Variants in CHN1 observed in about 807,000 individuals in gnomAD.
The protein encoded by CHN1 is N-chimaerin.
CHN1 carries 37 observed loss-of-function variants against 59.5 expected under a neutral mutation model. The observed-to-expected ratio is 0.62, with a 90% confidence interval of 0.48 to 0.82. CHN1 has a LOEUF of 0.82. CHN1 is among the 40% of genes least tolerant of loss of function. The pLI is 0.00. For missense variants in CHN1, 469 were observed against 571.0 expected, an observed-to-expected ratio of 0.82 and a Z score of 1.82; for synonymous variants, 206 against 200.4, an observed-to-expected ratio of 1.03 and a Z score of -0.24.
chr2:174,852,655 G>A (rs1224875176), intron 6 of CHN1, among the ~76,000 whole-genome samples: 1 of 152,112 alleles, frequency 6.6e-6, no homozygotes, highest in Non-Finnish European at 1.5e-5. Flanking sequence ...AAAGCTGGAG[G>A]TATCACACTA....
chr2:175,004,228 T>C (rs549585392), intron 1 of CHN1, among the ~76,000 whole-genome samples: 23 of 152,362 alleles, frequency 1.5e-4, no homozygotes, highest in African/African-American at 5.5e-4. Flanking sequence ...CTTGAAGTCT[T>C]AACCACCAAA....
intron 2 of CHN1, 140 bp downstream of exon 2, chr2:174,952,024 T>C (rs1690038126): frequency 1.9e-6 from 1 of 527,160 alleles, no homozygotes; most frequent in East Asian, 3.6e-5. Flanking sequence ...CCACAATTAT[T>C]TCTATGCTAC....
chr2:174,819,334 G>A (rs1444058003), intron 8 of CHN1, among the ~76,000 whole-genome samples: 1 of 152,206 alleles, frequency 6.6e-6, no homozygotes, highest in African/African-American at 2.4e-5. Flanking sequence ...ATTATTAGGA[G>A]AACTGCTGCC....
Position 174,920,873 on chromosome 2 carries a change from T to C in CHN1, c.115-2308A>G. 3 of 394,972 alleles carry C rather than the reference T, an allele frequency of 7.6e-6. 1 individual carries two copies. Among genetic ancestry groups the C allele is most frequent in the South Asian group, 6.0e-5 (3 of 49,852 alleles). 24.5% of individuals were successfully genotyped at this position (394,972 alleles called of 1,614,324 possible). Reference sequence around the variant, plus strand: ...TATACTCACCATAATGTAGAATCAGTAGGAGCCCTGAGCTTGTTTTCCTGC... The same window carrying C: ...TATACTCACCATAATGTAGAATCAGCAGGAGCCCTGAGCTTGTTTTCCTGC... On this transcript the variant is annotated intron_variant, in intron 3 of 12. Transcript: ENST00000409900.
intron 1 of CHN1, among the ~76,000 whole-genome samples, chr2:174,990,588 G>C (rs1019766006): frequency 6.6e-6 from 1 of 152,062 alleles, no homozygotes; most frequent in Non-Finnish European, 1.5e-5. Context: ...AGCGATGTCT[G>C]TTGCCCCCTT....
At chr2:174,955,184 C>CTATATATA (rs368644554) in intron 1 of CHN1, among the ~76,000 whole-genome samples, 30 of 82,734 alleles carry the variant, frequency 3.6e-4, no homozygotes, top group South Asian at 2.6e-3. Flanking sequence ...ATATCTATAT[C>CTATATATA]TATATATATA....
chr2:174,850,187 A>C (rs1338219770), intron 6 of CHN1, among the ~76,000 whole-genome samples: 1 of 152,306 alleles, frequency 6.6e-6, no homozygotes, highest in Admixed American at 6.5e-5. Flanking sequence ...CTGGTTCATT[A>C]GTTATGGGAC....
At chr2:174,936,863 T>C (rs1279152771) in intron 3 of CHN1, among the ~76,000 whole-genome samples, 1 of 152,122 alleles carries the variant, frequency 6.6e-6, no homozygotes, top group Non-Finnish European at 1.5e-5. Flanking sequence ...ATGTGCTTGG[T>C]TTTTAAAGCC....
At chr2:175,002,108 T>C (rs997399521) in intron 1 of CHN1, among the ~76,000 whole-genome samples, 2 of 152,212 alleles carry the variant, frequency 1.3e-5, no homozygotes, top group Admixed American at 6.5e-5. Context: ...GTGACAGATG[T>C]TTGCTGAAAA....
chr2:174,959,664 A>C (rs1394238470), intron 1 of CHN1, among the ~76,000 whole-genome samples: 1 of 152,196 alleles, frequency 6.6e-6, no homozygotes, highest in East Asian at 1.9e-4. Context: ...CATTCCTGAA[A>C]TAAAATGGCC....
intron 1 of CHN1, among the ~76,000 whole-genome samples, chr2:175,004,675 C>T (rs1692002028): frequency 6.6e-6 from 1 of 152,070 alleles, no homozygotes; most frequent in Non-Finnish European, 1.5e-5. Flanking sequence ...GAGAATTGGC[C>T]AGGGGAGCAC....
At chr2:174,937,942 C>G (rs1332189704) in intron 3 of CHN1, among the ~76,000 whole-genome samples, 1 of 152,028 alleles carries the variant, frequency 6.6e-6, no homozygotes, top group Admixed American at 6.6e-5. Flanking sequence ...AAAAATAAAC[C>G]TCTTTTTAAA....
intron 1 of CHN1, among the ~76,000 whole-genome samples, chr2:174,976,617 G>A (rs1690953614): frequency 6.6e-6 from 1 of 152,150 alleles, no homozygotes; most frequent in African/African-American, 2.4e-5. Flanking sequence ...TTAAATTCTA[G>A]TTTATCATTA....
Position 174,824,441 on chromosome 2 carries a change from T to A in CHN1, c.705A>T (p.Lys235Asn). ...FMWGLIAQGV[K>N]CADCGLNVHK... The stretch of plus-strand genomic sequence containing the variant: ...CAAGACAAGAGCTCTTACCTGCACA[T>A]TTCACTCCCTGAGCAATGAGACCCC... The change falls in exon 8 of 13, where the codon AAA becomes AAT. Residue 235 changes from lysine to asparagine, a missense_variant. By Grantham distance (94) the Lys-to-Asn change is moderately conservative. Coordinates refer to ENST00000409900, the MANE Select transcript of CHN1 (RefSeq NM_001822.7). 6.2e-7 allele frequency: 1 copy of A among 1,604,048 alleles called. No homozygotes were observed. Among genetic ancestry groups the A allele is most frequent in the Non-Finnish European group, 8.5e-7 (1 of 1,175,382 alleles).
chr2:174,988,554 A>C (rs1201164813), intron 1 of CHN1, among the ~76,000 whole-genome samples: 1 of 152,190 alleles, frequency 6.6e-6, no homozygotes, highest in Non-Finnish European at 1.5e-5. Context: ...GTGATTACTT[A>C]TAACAATATA....
At chr2:174,977,013 T>C (rs539233161) in intron 1 of CHN1, among the ~76,000 whole-genome samples, 13 of 152,364 alleles carry the variant, frequency 8.5e-5, no homozygotes, top group African/African-American at 3.1e-4. Flanking sequence ...TGAGTTTGAA[T>C]ACTATTTCTC....
chr2:175,005,163 G>C lies in CHN1; in HGVS notation c.-251C>G, dbSNP rs959959743. 10 of 1,283,384 alleles carry C rather than the reference G, an allele frequency of 7.8e-6. No individual in the cohort carries two copies. Among genetic ancestry groups the C allele is most frequent in the African/African-American group, 6.3e-5 (4 of 63,280 alleles). The allele number at this position is 1,283,384 out of a possible 1,614,324, so 79.5% of individuals were successfully genotyped here. A position where few individuals can be genotyped will look rare whatever the true frequency, so the allele number is the denominator to read the frequency against. On this transcript the variant is annotated 5_prime_UTR_variant, in exon 1 of 13. Transcript: ENST00000409900. The stretch of plus-strand genomic sequence containing the variant: ...GCTAGCTCTCCGCGAGCCGGCACTT[G>C]TCGCTGCCATCAGGCGCGGAGCGTG...
intron 6 of CHN1, among the ~76,000 whole-genome samples, chr2:174,863,710 T>C (rs1392501648): frequency 6.6e-6 from 1 of 152,150 alleles, no homozygotes; most frequent in Non-Finnish European, 1.5e-5. Flanking sequence ...ATCTAATCTA[T>C]CAGTTGTAAC....
chr2:174,999,855 T>C (rs7369914), intron 1 of CHN1, among the ~76,000 whole-genome samples: 49,304 of 152,030 alleles, frequency 0.32, 9,366 homozygotes, highest in Admixed American at 0.46. Flanking sequence ...GAAACTAAAA[T>C]CTTTATTGAC....
Sources: allele counts gnomAD v4.1 joint callset (sites outside exome capture counted in the v4.1 genomes callset), GRCh38; gene constraint gnomAD v4.1.1; transcripts MANE v1.5; gene names NCBI Gene and HGNC (gene_info 2026-07-23, HGNC 2026-07-21).